The following CAMK4 variants were observed in gnomAD, a reference collection of about 807,000 sequenced individuals.
CAMK4 encodes the protein calcium/calmodulin-dependent protein kinase type IV.
Under a neutral mutation model 44.9 loss-of-function variants are expected in CAMK4, and 22 were observed. The observed-to-expected ratio is 0.49, with a 90% CI of 0.35 to 0.70. The LOEUF is 0.70. CAMK4 is among the 30% of genes least tolerant of loss of function. The pLI, the probability that CAMK4 is intolerant of heterozygous loss-of-function variation, is 0.01. For missense variants in CAMK4, 498 were observed against 586.8 expected, an observed-to-expected ratio of 0.85 and a Z score of 1.56; for synonymous variants, 218 against 215.4, an observed-to-expected ratio of 1.01 and a Z score of -0.11.
At chr5:111,388,998 C>T (rs1309850291) in intron 4 of CAMK4, among the ~76,000 whole-genome samples, 1 of 152,166 alleles carries the variant, frequency 6.6e-6, no homozygotes, top group East Asian at 1.9e-4. Context: ...TTCTGAAACA[C>T]AGGCACTATC....
Position 111,453,389 on chromosome 5 carries a change from G to A in CAMK4, c.625+4186G>A, listed in dbSNP as rs569695112. On this transcript the variant is annotated intron_variant, in intron 7 of 10. Coordinates refer to ENST00000282356, the MANE Select transcript of CAMK4 (RefSeq NM_001744.6). ...AAAAATTAAATTGTTAACAGGTAAAGCTAAAACCCTCTCTGAAGATCAGTT... is the reference window on the plus strand; with the variant it reads ...AAAAATTAAATTGTTAACAGGTAAAACTAAAACCCTCTCTGAAGATCAGTT... Among the ~76,000 whole-genome samples, 10 of 152,254 alleles carry A rather than the reference G, an allele frequency of 6.6e-5. No individual in the cohort carries two copies. In the South Asian group the frequency reaches 1.0e-3, roughly 16 times the overall value.
chr5:111,352,613 C>A (rs549054052), intron 2 of CAMK4, among the ~76,000 whole-genome samples: 41 of 124,504 alleles, frequency 3.3e-4, no homozygotes, highest in African/African-American at 1.0e-3. Flanking sequence ...GGGCTTCTTC[C>A]TGTGTCAACT....
intron 1 of CAMK4, among the ~76,000 whole-genome samples, chr5:111,291,712 A>G (rs781559970): frequency 3.3e-5 from 5 of 151,976 alleles, no homozygotes; most frequent in East Asian, 1.9e-4. Flanking sequence ...GGGTCTTGCT[A>G]TGTTGCACAG....
chr5:111,446,881 G>C (rs970831885), intron 6 of CAMK4, 105 bp downstream of exon 6: 13 of 751,460 alleles, frequency 1.7e-5, no homozygotes, highest in Admixed American at 1.5e-4. Flanking sequence ...CATCCATTCA[G>C]TTTTCCTGAA....
intron 1 of CAMK4, among the ~76,000 whole-genome samples, chr5:111,274,961 A>G (rs1231500673): frequency 6.6e-6 from 1 of 152,112 alleles, no homozygotes; most frequent in South Asian, 2.1e-4. Context: ...TCCCCAGTAA[A>G]TATGATGGTT....
chr5:111,482,924 G>T lies in CAMK4; in HGVS notation c.968G>T (p.Arg323Leu). ...AAGAAGCTCCAAGAATTCAATGCCCGGCGTAAGCTTAAGGTAAGATAGCAT... is the reference window on the plus strand; with the variant it reads ...AAGAAGCTCCAAGAATTCAATGCCCTGCGTAAGCTTAAGGTAAGATAGCAT... Reference protein sequence around the residue: ...AQKKLQEFNARRKLKAAVKAV... With the variant: ...AQKKLQEFNALRKLKAAVKAV... Residue 323 changes from arginine to leucine, a missense_variant, in exon 10 of 11, where the codon CGG (arginine) becomes CTG (leucine). By Grantham distance (102) the Arg-to-Leu change is moderately radical. This residue lies in a region of CAMK4 where 203 missense variants were observed against 298.2 expected (regional missense o/e 0.68). Coordinates refer to ENST00000282356, the MANE Select transcript of CAMK4 (RefSeq NM_001744.6). This position sits in a 1 kb window ranked among gnomAD's most constrained non-coding sequence, Gnocchi z 4.9. The T allele has an allele frequency of 6.2e-7, 1 of 1,603,724 alleles. No individual in the cohort carries two copies. Among genetic ancestry groups the T allele is most frequent in the Non-Finnish European group, 8.5e-7 (1 of 1,176,780 alleles).
At chr5:111,422,905 G>C (rs1045539076) in intron 5 of CAMK4, among the ~76,000 whole-genome samples, 1 of 152,146 alleles carries the variant, frequency 6.6e-6, no homozygotes, top group Non-Finnish European at 1.5e-5. Context: ...TCCTGTGATA[G>C]GTTGGGTCAT....
chr5:111,255,151 A>G (rs1443092210), intron 1 of CAMK4, among the ~76,000 whole-genome samples: 3 of 151,992 alleles, frequency 2.0e-5, no homozygotes, highest in African/African-American at 2.4e-5. Flanking sequence ...TCTGATGGAC[A>G]TTGTTTGAAG....
At chr5:111,349,709 G>A (rs1750014104) in intron 2 of CAMK4, among the ~76,000 whole-genome samples, 1 of 151,870 alleles carries the variant, frequency 6.6e-6, no homozygotes, top group South Asian at 2.1e-4. Flanking sequence ...TTCCTTAGGA[G>A]TATATACCTC....
At chr5:111,468,257 G>A (rs1436623114) in intron 7 of CAMK4, among the ~76,000 whole-genome samples, 1 of 152,004 alleles carries the variant, frequency 6.6e-6, no homozygotes, top group Non-Finnish European at 1.5e-5. Context: ...CAAAATCTCA[G>A]AAATCCCCAC....
chr5:111,373,301 G>T (rs1306788203), intron 2 of CAMK4, among the ~76,000 whole-genome samples: 1 of 152,048 alleles, frequency 6.6e-6, no homozygotes, highest in Non-Finnish European at 1.5e-5. Context: ...AACTCCTTAA[G>T]ATCTCCTTGT....
At chr5:111,461,925 T>C (rs1482558912) in intron 7 of CAMK4, among the ~76,000 whole-genome samples, 1 of 151,688 alleles carries the variant, frequency 6.6e-6, no homozygotes, top group African/African-American at 2.4e-5. Context: ...TTTTCCCATA[T>C]GTTTTGAATT....
chr5:111,231,693 AT>A (rs1189527484), intron 1 of CAMK4, among the ~76,000 whole-genome samples: 1 of 149,996 alleles, frequency 6.7e-6, no homozygotes, highest in Non-Finnish European at 1.5e-5. Flanking sequence ...TATTTGCTTA[AT>A]ATTTTTATTT....
chr5:111,284,262 T>C (rs1248943966), intron 1 of CAMK4, among the ~76,000 whole-genome samples: 2 of 152,242 alleles, frequency 1.3e-5, no homozygotes, highest in African/African-American at 4.8e-5. Context: ...TTTTAAGTTA[T>C]GTATCCATGT....
At chr5:111,319,849 A>C (rs554777976) in intron 1 of CAMK4, among the ~76,000 whole-genome samples, 8,947 of 152,236 alleles carry the variant, frequency 0.059, 356 homozygotes, top group African/African-American at 0.1. Flanking sequence ...AATTAAAAAA[A>C]ACTGTCTAAA....
At chr5:111,303,719 C>T (rs1172220635) in intron 1 of CAMK4, among the ~76,000 whole-genome samples, 3 of 148,218 alleles carry the variant, frequency 2.0e-5, no homozygotes, top group Admixed American at 6.7e-5. Flanking sequence ...GGCAGGCCAA[C>T]GTTCAGATTC....
intron 1 of CAMK4, among the ~76,000 whole-genome samples, chr5:111,318,875 A>G (rs1748543719): frequency 6.6e-6 from 1 of 152,198 alleles, no homozygotes; most frequent in Non-Finnish European, 1.5e-5. Context: ...CTGTTGACAA[A>G]GATGGAAAAC....
chr5:111,295,939 T>A (rs923941265), intron 1 of CAMK4, among the ~76,000 whole-genome samples: 1 of 152,258 alleles, frequency 6.6e-6, no homozygotes, highest in Admixed American at 6.5e-5. Flanking sequence ...TGCTACGTAG[T>A]TGAACATAGT....
chr5:111,480,289 C>CACACACACACACACACACACACA (rs70973611), intron 9 of CAMK4, among the ~76,000 whole-genome samples: 6 of 147,992 alleles, frequency 4.1e-5, no homozygotes, highest in African/African-American at 7.6e-5. Context: ...CACACACACA[C>CACACACACACACACACACACACA]CCCTGGGTAA....
Sources: gnomAD v4.1 joint callset for allele counts (sites outside exome capture counted in the v4.1 genomes callset) on GRCh38, gnomAD v4.1.1 for gene constraint, gnomAD v4.1.1 regional missense constraint, Gnocchi (gnomAD v3.1) non-coding constraint, MANE v1.5 for transcripts, NCBI Gene and HGNC (gene_info 2026-07-23, HGNC 2026-07-21) for gene names.